HDAC9: variants seen among roughly 807,000 people sequenced by gnomAD.
HDAC9 encodes MEF-2 interacting transcription repressor (MITR) protein.
A neutral mutation model predicts 139.4 loss-of-function variants in HDAC9; 41 were observed. The observed-to-expected ratio is 0.29, with a 90% CI of 0.23 to 0.38. The LOEUF is 0.38. Among genes scored for constraint, HDAC9 ranks in the 10% least tolerant of loss-of-function variants. HDAC9 has a pLI of 1.00. For synonymous variants in HDAC9, 517 were observed against 476.2 expected, an observed-to-expected ratio of 1.09 and a Z score of -1.12; for missense variants, 1,147 against 1,297.0, an observed-to-expected ratio of 0.88 and a Z score of 1.78.
intron 1 of HDAC9, among the ~76,000 whole-genome samples, chr7:18,297,244 C>CT (rs1177806817): frequency 1.3e-5 from 2 of 152,098 alleles, no homozygotes; most frequent in African/African-American, 2.4e-5. Flanking sequence ...TATTTAAAAA[C>CT]TTTTTTATTT....
At chr7:18,903,981 G>A (rs1801969620) in intron 22 of HDAC9, among the ~76,000 whole-genome samples, 1 of 152,140 alleles carries the variant, frequency 6.6e-6, no homozygotes, top group African/African-American at 2.4e-5. Flanking sequence ...TGAGAATAAT[G>A]CTGGCTACGA....
At chr7:18,718,547 T>C (rs1023859027) in intron 12 of HDAC9, among the ~76,000 whole-genome samples, 1 of 152,172 alleles carries the variant, frequency 6.6e-6, no homozygotes, top group African/African-American at 2.4e-5. Flanking sequence ...TGTGGTCTTT[T>C]GTGACTATTC....
chr7:18,629,691 G>C (rs2188321), intron 7 of HDAC9, among the ~76,000 whole-genome samples: 97,828 of 151,936 alleles, frequency 0.64, 31,633 homozygotes, highest in East Asian at 0.78. Context: ...AAAAACAGAA[G>C]TATGTGTCAA....
At chr7:18,716,045 G>A (rs1784673413) in intron 12 of HDAC9, among the ~76,000 whole-genome samples, 1 of 152,168 alleles carries the variant, frequency 6.6e-6, no homozygotes. Flanking sequence ...TTTATATCCA[G>A]ACTCTAATTA....
Position 18,470,332 on chromosome 7 carries a change from C to T in HDAC9, c.-41-25930C>T, listed in dbSNP as rs77584940. Among the ~76,000 whole-genome samples the T allele has an allele frequency of 2.1e-4, 32 of 151,926 alleles. No homozygotes were observed. In the East Asian group the frequency reaches 3.1e-3, roughly 15 times the overall value. ...CCAACTCTTAAAAAAAAAAAGAAGC[C>T]AAACCAAAAAGCCAGTTGTTTTAAG... On this transcript the variant is annotated intron_variant, in intron 1 of 3. Transcript: ENST00000413509.
At chr7:18,717,237 G>A (rs145239628) in intron 12 of HDAC9, among the ~76,000 whole-genome samples, 22 of 152,136 alleles carry the variant, frequency 1.4e-4, no homozygotes, top group African/African-American at 5.3e-4. Context: ...TTGCTGGTGA[G>A]CATACACCTG....
intron 1 of HDAC9, among the ~76,000 whole-genome samples, chr7:18,386,368 T>G (rs1785931389): frequency 6.6e-6 from 1 of 152,328 alleles, no homozygotes; most frequent in African/African-American, 2.4e-5. Context: ...TTCTATCAAC[T>G]CCAGTTTTAG....
chr7:18,590,566 A>G, intron 4 of HDAC9, 80 bp downstream of exon 4: 2 of 1,397,526 alleles, frequency 1.4e-6, no homozygotes, highest in Middle Eastern at 1.8e-4. Context: ...CCTGATAAAG[A>G]GTGCGGTTAG....
At chr7:18,569,051 AAAAT>A (rs1238568729) in intron 2 of HDAC9, among the ~76,000 whole-genome samples, 1 of 151,670 alleles carries the variant, frequency 6.6e-6, no homozygotes. Flanking sequence ...CTGTCTCAAA[AAAAT>A]AAATAAATAA....
In HDAC9 at chr7:18,623,330, A is replaced by G. The variant is rs550123296; in HGVS notation, c.665-6020A>G. ...AAAGTTATTTTAAGTACACTGAGTC[A>G]AAGTTCAGAAAAGGGCTATTGTTAT... On this transcript the variant is annotated intron_variant, in intron 6 of 25. Coordinates refer to ENST00000686413, the MANE Select transcript of HDAC9 (RefSeq NM_178425.4). Among the ~76,000 whole-genome samples, 4 of 152,332 alleles carry G rather than the reference A, an allele frequency of 2.6e-5. No individual in the cohort carries two copies. The East Asian group carries it at 7.7e-4, about 29-fold the overall frequency.
chr7:18,444,498 G>A (rs1399366640), intron 1 of HDAC9, among the ~76,000 whole-genome samples: 2 of 151,670 alleles, frequency 1.3e-5, no homozygotes, highest in African/African-American at 2.4e-5. Context: ...TTTATCCCCC[G>A]ACCACTGTAT....
intron 2 of HDAC9, among the ~76,000 whole-genome samples, chr7:18,510,228 AG>A (rs1169885512): frequency 6.6e-6 from 1 of 152,190 alleles, no homozygotes. Context: ...TTCTTAACGA[AG>A]GGAATTTGGG....
At chr7:18,734,609 G>A (rs757345408) in intron 13 of HDAC9, among the ~76,000 whole-genome samples, 30 of 152,114 alleles carry the variant, frequency 2.0e-4, no homozygotes, top group African/African-American at 3.9e-4. Flanking sequence ...GTGTATATGC[G>A]CCACATTTTC....
At chr7:18,714,779 T>G (rs1784584279) in intron 12 of HDAC9, among the ~76,000 whole-genome samples, 1 of 152,200 alleles carries the variant, frequency 6.6e-6, no homozygotes, top group Admixed American at 6.5e-5. Flanking sequence ...TGGAACTGGG[T>G]GAATATTTGT....
intron 1 of HDAC9, among the ~76,000 whole-genome samples, chr7:18,377,660 G>A (rs911825065): frequency 6.6e-6 from 1 of 152,112 alleles, no homozygotes; most frequent in Non-Finnish European, 1.5e-5. Flanking sequence ...AGCCTCCAGA[G>A]TTCAGGTGTA....
intron 22 of HDAC9, among the ~76,000 whole-genome samples, chr7:18,905,685 A>T (rs1381430779): frequency 6.6e-6 from 1 of 152,212 alleles, no homozygotes; most frequent in East Asian, 1.9e-4. Context: ...GGGAAATGGA[A>T]GGGATTTCCA....
At chr7:18,356,104 G>A (rs1244320875) in intron 1 of HDAC9, among the ~76,000 whole-genome samples, 1 of 151,794 alleles carries the variant, frequency 6.6e-6, no homozygotes, top group African/African-American at 2.4e-5. Flanking sequence ...TTTTAAAAAT[G>A]CATGTAAAAA....
chr7:18,967,230 G>A (rs1783919398), intron 24 of HDAC9, among the ~76,000 whole-genome samples: 1 of 152,140 alleles, frequency 6.6e-6, no homozygotes. Flanking sequence ...GTGCATTTAT[G>A]TAACACTCCA....
chr7:18,128,035 C>A (rs1784779268), intron 1 of HDAC9, among the ~76,000 whole-genome samples: 1 of 151,994 alleles, frequency 6.6e-6, no homozygotes, highest in Admixed American at 6.6e-5. Flanking sequence ...TCTTGAGTAA[C>A]AAGAATACAG....
Sources: allele counts gnomAD v4.1 joint callset (sites outside exome capture counted in the v4.1 genomes callset), GRCh38; gene constraint gnomAD v4.1.1; transcripts MANE v1.5; gene names NCBI Gene and HGNC (gene_info 2026-07-23, HGNC 2026-07-21).